Variants in CTPS2 observed in about 807,000 individuals in gnomAD.
The protein encoded by CTPS2 is CTP synthase 2.
In CTPS2, 19 loss-of-function variants were observed where a neutral mutation model predicts 46.8. The observed-to-expected ratio is 0.41, with a 90% CI of 0.28 to 0.60. The LOEUF is 0.60. Ranked by LOEUF, CTPS2 falls within the 20% of genes least tolerant of loss-of-function variation. The probability of loss-of-function intolerance (pLI) is 0.35; values close to 1 mark genes in which losing one functional copy is unlikely to be tolerated. For missense variants in CTPS2, 286 were observed against 447.6 expected, an observed-to-expected ratio of 0.64 and a Z score of 3.26; for synonymous variants, 151 against 165.2, an observed-to-expected ratio of 0.91 and a Z score of 0.66.
At chrX:16,711,946 G>A (rs1925490733) in intron 1 of CTPS2, 1 of 110,773 alleles carries the variant, frequency 9.0e-6, no homozygotes, top group East Asian at 2.9e-4. Flanking sequence ...CCCGCTCGGG[G>A]CTTCACTTCC....
intron 13 of CTPS2, among the ~76,000 whole-genome samples, chrX:16,657,187 G>GT (rs1266090591): frequency 1.0e-5 from 1 of 96,631 alleles, no homozygotes; most frequent in East Asian, 3.0e-4. Flanking sequence ...ACCATGCCCG[G>GT]CCTTTTTTTT....
At chrX:16,702,201 C>T (rs1472765072) in intron 2 of CTPS2, among the ~76,000 whole-genome samples, 5 of 108,965 alleles carry the variant, frequency 4.6e-5, no homozygotes, top group Admixed American at 3.0e-4. Context: ...ACTACAGACA[C>T]GTGCCACCAC....
intron 16 of CTPS2, among the ~76,000 whole-genome samples, chrX:16,615,830 C>T (rs1487685531): frequency 9.0e-6 from 1 of 111,647 alleles, no homozygotes; most frequent in African/African-American, 3.3e-5. Flanking sequence ...ATTTGTTATG[C>T]TTTTCTCTTG....
At chrX:16,690,108 C>A (rs375820508) in intron 7 of CTPS2, among the ~76,000 whole-genome samples, 3 of 108,110 alleles carry the variant, frequency 2.8e-5, no homozygotes, top group Non-Finnish European at 5.7e-5. Context: ...TGGTGGCTCA[C>A]GCCTGTAATT....
chrX:16,674,250 A>T (rs1057291334), intron 10 of CTPS2, among the ~76,000 whole-genome samples: 3 of 110,226 alleles, frequency 2.7e-5, no homozygotes, highest in Non-Finnish European at 5.7e-5. Flanking sequence ...TGCAACCTTC[A>T]CCTCGTGGGT....
chrX:16,632,416 TTTTC>T (rs1214405032), intron 14 of CTPS2, among the ~76,000 whole-genome samples: 1 of 109,976 alleles, frequency 9.1e-6, no homozygotes, highest in African/African-American at 3.3e-5. Flanking sequence ...GTTACCTTTT[TTTTC>T]TTTCTTTCTT....
chrX:16,617,764 C>T (rs1331986656), intron 15 of CTPS2, among the ~76,000 whole-genome samples: 1 of 111,759 alleles, frequency 8.9e-6, no homozygotes, highest in African/African-American at 3.3e-5. Context: ...CCCTTTCTGG[C>T]CCCCATCTCA....
intron 3 of CTPS2, 66 bp from the exon 4 acceptor site, chrX:16,698,402 C>T: frequency 1.3e-6 from 1 of 758,848 alleles, no homozygotes. Context: ...TGCTTTAGGC[C>T]TCCCCAATCA....
chrX:16,653,254 G>A (rs933561966), intron 13 of CTPS2, among the ~76,000 whole-genome samples: 1 of 110,966 alleles, frequency 9.0e-6, no homozygotes, highest in Non-Finnish European at 1.9e-5. Context: ...TTATGGTAGA[G>A]ACAAAAATTA....
At chrX:16,666,883 G>C (rs1456049895) in intron 13 of CTPS2, among the ~76,000 whole-genome samples, 3 of 111,375 alleles carry the variant, frequency 2.7e-5, no homozygotes, top group Non-Finnish European at 5.6e-5. Context: ...AGGCAGACTG[G>C]TGATGAGTCT....
At chrX:16,703,420 T>A (rs1008096304) in intron 1 of CTPS2, among the ~76,000 whole-genome samples, 2 of 110,360 alleles carry the variant, frequency 1.8e-5, no homozygotes, top group Non-Finnish European at 3.8e-5. Context: ...AACCTTGAAC[T>A]TCTGGGCTCA....
intron 17 of CTPS2, among the ~76,000 whole-genome samples, chrX:16,598,528 T>C (rs1215991811): frequency 1.8e-5 from 2 of 111,885 alleles, no homozygotes; most frequent in African/African-American, 6.5e-5. Context: ...AATCTCTGAA[T>C]AGACCAATAA....
chrX:16,674,255 G>A (rs977111364), intron 10 of CTPS2, among the ~76,000 whole-genome samples: 8 of 110,617 alleles, frequency 7.2e-5, no homozygotes, highest in African/African-American at 2.0e-4. Flanking sequence ...CCTTCACCTC[G>A]TGGGTTCAAA....
At chrX:16,595,823 T>C (rs1929212808) in intron 17 of CTPS2, among the ~76,000 whole-genome samples, 1 of 111,595 alleles carries the variant, frequency 9.0e-6, no homozygotes, top group African/African-American at 3.3e-5. Flanking sequence ...AATAATGATT[T>C]TTAAAAAGCA....
chrX:16,707,137 AATTT>A (rs1925089715), intron 1 of CTPS2, among the ~76,000 whole-genome samples: 1 of 111,806 alleles, frequency 8.9e-6, no homozygotes, highest in Non-Finnish European at 1.9e-5. Flanking sequence ...TCATAAGGAA[AATTT>A]ATTTGACTTT....
At chrX:16,651,134 T>C in intron 13 of CTPS2, 1 of 1,040,156 alleles carries the variant, frequency 9.6e-7, no homozygotes, top group Non-Finnish European at 1.3e-6. Flanking sequence ...TTCCCCAGTT[T>C]ACTCAAAGTA....
At chrX:16,676,844 G>A (rs1360391332) in intron 10 of CTPS2, among the ~76,000 whole-genome samples, 4 of 110,944 alleles carry the variant, frequency 3.6e-5, no homozygotes, top group African/African-American at 1.3e-4. Context: ...GGTGGATAAC[G>A]AGGTCAAGAG....
intron 13 of CTPS2, among the ~76,000 whole-genome samples, chrX:16,645,887 T>C (rs1352863038): frequency 8.9e-6 from 1 of 112,719 alleles, no homozygotes; most frequent in East Asian, 2.8e-4. Flanking sequence ...TCCCTCTCTC[T>C]CACCCATGTG....
At chrX:16,678,512 A>C in intron 9 of CTPS2, 62 bp from the exon 10 acceptor site, 1 of 674,612 alleles carries the variant, frequency 1.5e-6, no homozygotes, top group South Asian at 2.5e-5. Flanking sequence ...AAAATACTGC[A>C]GCCATCTAAT....
Sources: gnomAD v4.1 joint callset for allele counts (sites outside exome capture counted in the v4.1 genomes callset) on GRCh38, gnomAD v4.1.1 for gene constraint, MANE v1.5 for transcripts, NCBI Gene and HGNC (gene_info 2026-07-23, HGNC 2026-07-21) for gene names.